Variants in ZNF862 observed in about 807,000 individuals in gnomAD.
The protein encoded by ZNF862 is zinc finger protein 862.
Under a neutral mutation model 91.1 loss-of-function variants are expected in ZNF862, and 64 were observed. The ratio of observed to expected loss-of-function variants is 0.70; its 90% CI spans 0.57 to 0.87. ZNF862 has a LOEUF of 0.87. Among genes scored for constraint, ZNF862 ranks in the 40% least tolerant of loss-of-function variants. ZNF862 has a pLI of 0.00. For missense variants in ZNF862, 1,459 were observed against 1,528.0 expected, an observed-to-expected ratio of 0.95 and a Z score of 0.75; for synonymous variants, 631 against 618.1, an observed-to-expected ratio of 1.02 and a Z score of -0.31.
chr7:149,849,352 C>T lies in ZNF862; in HGVS notation c.940-809C>T, dbSNP rs144325022. ...CAGCCCATGCTTTCCTTCCACTCCC[C>T]GCAGCACTGCTGGGCACTAAAGTAC... On this transcript the variant is annotated intron_variant, in intron 4 of 7. Transcript: ENST00000223210. Among the ~76,000 whole-genome samples the T allele has an allele frequency of 5.0e-3, 765 of 152,300 alleles. 3 individuals carry two copies. Among genetic ancestry groups the T allele is most frequent in the African/African-American group, 0.017 (722 of 41,562 alleles).
chr7:149,848,527 G>A (rs1474047677), intron 4 of ZNF862, 95 bp downstream of exon 4: 2 of 1,035,446 alleles, frequency 1.9e-6, no homozygotes, highest in African/African-American at 3.2e-5. Flanking sequence ...AAGAATACTA[G>A]TGATAACCCA....
rs1318154588 is a variant in ZNF862, at chr7:149,850,567, G to A, written c.1117+229G>A. 5.8e-6 allele frequency: 3 copies of A among 519,614 alleles called. No homozygotes were observed. The highest frequency in any genetic ancestry group is 3.4e-5 in the Admixed American group (1 of 29,082). The allele number at this position is 519,614 out of a possible 1,614,324, so 32.2% of individuals were successfully genotyped here. ...TTCGTCCCCCACCAAACATTTTGGA[G>A]TACCTACTATGTGCCAGATGAACAC... On this transcript the variant is annotated intron_variant, in intron 5 of 7. Coordinates refer to ENST00000223210, the MANE Select transcript of ZNF862 (RefSeq NM_001099220.3). This position sits in a 1 kb window ranked among gnomAD's most constrained non-coding sequence, Gnocchi z 4.2.
Position 149,865,439 on chromosome 7 carries a change from C to T in ZNF862, c.*1155C>T, listed in dbSNP as rs1176974292. On this transcript the variant is annotated 3_prime_UTR_variant, in exon 8 of 8. Coordinates refer to ENST00000223210, the MANE Select transcript of ZNF862 (RefSeq NM_001099220.3). ...TGACAAGGGCTTTGAACAACCTCCT[C>T]CAGGGACTTTGGGCCTGCTCTAGCT... 2 of 152,242 alleles carry T rather than the reference C, an allele frequency of 1.3e-5. No homozygotes were observed. The highest frequency in any genetic ancestry group is 4.8e-5 in the African/African-American group (2 of 41,412). 9.4% of individuals were successfully genotyped at this position (152,242 alleles called of 1,614,324 possible).
intron 5 of ZNF862, among the ~76,000 whole-genome samples, chr7:149,853,937 CAAA>C (rs931414504): frequency 1.0e-4 from 11 of 108,182 alleles, no homozygotes; most frequent in African/African-American, 1.4e-4. Context: ...GACTCCATCT[CAAA>C]AAAAAAAAAA....
rs189097856 is a variant in ZNF862, at chr7:149,839,964, C to A, written c.24+1329C>A. 6.6e-5 allele frequency among the ~76,000 whole-genome samples: 10 copies of A among 152,218 alleles called. No individual in the cohort carries two copies. The East Asian group carries it at 7.7e-4, about 12-fold the overall frequency. On this transcript the variant is annotated intron_variant, in intron 1 of 7. Transcript: ENST00000223210. ...ATTTGAAGTTGATTTCCAAGCTATTCTGTTCAGTCAGAGGCTTTCTTAGCC... is the reference window on the plus strand; with the variant it reads ...ATTTGAAGTTGATTTCCAAGCTATTATGTTCAGTCAGAGGCTTTCTTAGCC...
intron 6 of ZNF862, chr7:149,859,769 G>T: frequency 2.1e-6 from 1 of 485,990 alleles, no homozygotes; most frequent in South Asian, 2.8e-5. Context: ...GGAGGCTGTG[G>T]CAGAGCTGGT....
At chr7:149,856,503 T>G (rs1443705512) in intron 5 of ZNF862, 2 of 152,230 alleles carry the variant, frequency 1.3e-5, no homozygotes, top group Non-Finnish European at 2.9e-5. Context: ...GGAAAATTTT[T>G]TCTTCTTTTT....
Position 149,864,192 on chromosome 7 carries a change from G to A in ZNF862, c.3418G>A (p.Glu1140Lys). ...TQKPPILPSR[E>K]AAEVLKDCIM... Reference sequence around the variant, plus strand: ...GAAGCCACCCATCCTGCCCTCCAGGGAAGCAGCGGAGGTTCTGAAGGACTG... The same window carrying A: ...GAAGCCACCCATCCTGCCCTCCAGGAAAGCAGCGGAGGTTCTGAAGGACTG... Residue 1140 changes from glutamate to lysine, a missense_variant, in exon 8 of 8, where the codon GAA (glutamate) becomes AAA (lysine). By Grantham distance (56) the Glu-to-Lys change is moderately conservative. Coordinates refer to ENST00000223210, the MANE Select transcript of ZNF862 (RefSeq NM_001099220.3). 3 of 1,596,282 alleles carry A rather than the reference G, an allele frequency of 1.9e-6. No homozygotes were observed. The highest frequency in any genetic ancestry group is 2.6e-6 in the Non-Finnish European group (3 of 1,171,778).
rs894976352 is a variant in ZNF862 at position 149,860,790 on chromosome 7, G to A, written c.1630G>A (p.Val544Ile). ...GGAAGACACCCCTCACACTGCCCTC[G>A]TTCCAGAGATCTCCAGCGACCTCAT... is the stretch of plus-strand genomic sequence containing the variant. ...IKEDTPHTAL[V>I]PEISSDLMAN... Residue 544 changes from valine (V) to isoleucine (I), a missense_variant, in exon 7 of 8, where the codon GTT (valine) becomes ATT (isoleucine). By Grantham distance (29) the Val-to-Ile change is conservative (BLOSUM62 3). Transcript: ENST00000223210. 6 of 1,613,644 alleles carry A rather than the reference G, an allele frequency of 3.7e-6. No homozygotes were observed. Among genetic ancestry groups the A allele is most frequent in the Admixed American group, 1.7e-5 (1 of 59,996 alleles).
chr7:149,841,105 T>C (rs939790203), intron 1 of ZNF862: 3 of 985,318 alleles, frequency 3.0e-6, no homozygotes, highest in Non-Finnish European at 3.6e-6. Flanking sequence ...CATACAAGAA[T>C]GAAATAAAGT....
At chr7:149,841,551 G>A in intron 1 of ZNF862, 1 of 985,352 alleles carries the variant, frequency 1.0e-6, no homozygotes, top group Non-Finnish European at 1.2e-6. Context: ...ATTTAATAGG[G>A]TCTCAGGAAG....
Position 149,860,069 on chromosome 7 carries a change from T to C in ZNF862, c.1223-314T>C, listed in dbSNP as rs1420667738. ...CCACCTGCTTATCCAACAGTCTCTG[T>C]GGCCAAGGGGGTTAATTGAACTTAT... On this transcript the variant is annotated intron_variant, in intron 6 of 7. Transcript: ENST00000223210. 3 of 376,978 alleles carry C rather than the reference T, an allele frequency of 8.0e-6. No homozygotes were observed. In the Admixed American group the frequency reaches 1.3e-4, roughly 16 times the overall value. 23.4% of individuals were successfully genotyped at this position (376,978 alleles called of 1,614,324 possible).
chr7:149,864,036 C>T, intron 7 of ZNF862, 73 bp from the exon 8 acceptor site: 1 of 1,478,448 alleles, frequency 6.8e-7, no homozygotes, highest in South Asian at 1.3e-5. Context: ...ACCAAACAGC[C>T]CCTGGGCGAA....
At chr7:149,852,337 TTGTGTGTGTGTG>T (rs10674865) in intron 5 of ZNF862, among the ~76,000 whole-genome samples, 1 of 140,408 alleles carries the variant, frequency 7.1e-6, no homozygotes, top group African/African-American at 2.7e-5. Context: ...GAACTCAGTT[TTGTGTGTGTGTG>T]TGTGTGTGTG....
chr7:149,848,303 G>A lies in ZNF862; in HGVS notation c.810G>A (p.Gly270=), dbSNP rs1783021722. Residue 270 remains glycine (G), a synonymous_variant, in exon 4 of 8, where the codon GGG becomes GGA. Coordinates refer to ENST00000223210, the MANE Select transcript of ZNF862 (RefSeq NM_001099220.3). ...GAGCTGAACTAGAGGACCCTGGGGGGGATGGAGCAATTCCTGCAATGTATC... is the reference window on the plus strand; with the variant it reads ...GAGCTGAACTAGAGGACCCTGGGGGAGATGGAGCAATTCCTGCAATGTATC... ...SSRAELEDPG[G]DGAIPAMYLD... 2 of 1,608,168 alleles carry A rather than the reference G, an allele frequency of 1.2e-6. No individual in the cohort carries two copies. The highest frequency in any genetic ancestry group is 1.1e-5 in the South Asian group (1 of 90,080).
intron 1 of ZNF862, among the ~76,000 whole-genome samples, chr7:149,842,792 C>G (rs1401393279): frequency 1.3e-5 from 2 of 152,200 alleles, no homozygotes; most frequent in Non-Finnish European, 2.9e-5. Flanking sequence ...TGCCTTCAGC[C>G]TAATCTTGGG....
rs201444633 is a variant in ZNF862, at chr7:149,848,271, A to T, written c.778A>T (p.Ser260Cys). The T allele has an allele frequency of 3.0e-4, 483 of 1,612,104 alleles. No individual in the cohort carries two copies. The highest frequency in any genetic ancestry group is 3.8e-4 in the Non-Finnish European group (449 of 1,179,056). ...TGATAGCATGGCTGAGCTCCTGCCA[A>T]GTTCAAGAGCTGAACTAGAGGACCC... Reference protein sequence around the residue: ...GFDSMAELLPSSRAELEDPGG... With the variant: ...GFDSMAELLPCSRAELEDPGG... The change falls in exon 4 of 8, where the codon AGT (serine) becomes TGT (cysteine). Residue 260 changes from serine to cysteine, a missense_variant. By Grantham distance (112) the Ser-to-Cys change is moderately radical (BLOSUM62 -1). Coordinates refer to ENST00000223210, the MANE Select transcript of ZNF862 (RefSeq NM_001099220.3).
At chr7:149,862,781 C>A (rs1455808130) in intron 7 of ZNF862, among the ~76,000 whole-genome samples, 2 of 152,222 alleles carry the variant, frequency 1.3e-5, no homozygotes, top group Non-Finnish European at 2.9e-5. Flanking sequence ...GGCTGTGTGG[C>A]CTTGGGCAAG....
intron 5 of ZNF862, among the ~76,000 whole-genome samples, chr7:149,854,295 G>A (rs1249088335): frequency 6.6e-6 from 1 of 151,784 alleles, no homozygotes; most frequent in South Asian, 2.1e-4. Context: ...AAAGTGTCCC[G>A]ATCAAAAAAA....
Sources: allele counts gnomAD v4.1 joint callset (sites outside exome capture counted in the v4.1 genomes callset), GRCh38; gene constraint gnomAD v4.1.1; non-coding constraint Gnocchi (gnomAD v3.1); transcripts MANE v1.5; gene names NCBI Gene and HGNC (gene_info 2026-07-23, HGNC 2026-07-21).